EIF4E: variants seen among roughly 807,000 people sequenced by gnomAD.
The protein encoded by EIF4E is eukaryotic translation initiation factor 4E.
For missense variants in EIF4E, 113 were observed against 265.6 expected (o/e 0.43, Z 3.99); for synonymous variants, 71 against 88.5 (o/e 0.80, Z 1.11).
At chr4:98,929,047 G>C in intron 1 of EIF4E, 48 bp downstream of exon 1, 1 of 1,574,588 alleles carries the variant, frequency 6.4e-7, no homozygotes, top group Non-Finnish European at 8.6e-7. Flanking sequence ...TCAGAAGGAA[G>C]ACGGAGCGCG....
chr4:98,892,106 G>C (rs1354852703), intron 2 of EIF4E, among the ~76,000 whole-genome samples: 1 of 152,074 alleles, frequency 6.6e-6, no homozygotes, highest in East Asian at 1.9e-4. Context: ...CAGCACTCTG[G>C]GAGGCTGAGG....
intron 1 of EIF4E, among the ~76,000 whole-genome samples, chr4:98,906,403 T>C (rs1724875387): frequency 6.6e-6 from 1 of 152,212 alleles, no homozygotes; most frequent in Admixed American, 6.5e-5. Flanking sequence ...AGTAAACACT[T>C]TGAAAATCTG....
chr4:98,907,680 A>G (rs940830086), intron 1 of EIF4E, among the ~76,000 whole-genome samples: 3 of 152,184 alleles, frequency 2.0e-5, no homozygotes, highest in African/African-American at 7.2e-5. Flanking sequence ...ATCCACCTCT[A>G]ACCCCAACTT....
chr4:98,909,492 T>C, intron 1 of EIF4E: 1 of 578,168 alleles, frequency 1.7e-6, no homozygotes, highest in Non-Finnish European at 3.1e-6. Context: ...AAATGTAAAC[T>C]GGACCCCATG....
chr4:98,896,150 C>A (rs145615497), intron 2 of EIF4E, among the ~76,000 whole-genome samples: 2 of 149,944 alleles, frequency 1.3e-5, no homozygotes, highest in Non-Finnish European at 2.9e-5. Flanking sequence ...GAGCCGAGAT[C>A]GCACCACTGC....
At chr4:98,904,642 G>A (rs529504117) in intron 1 of EIF4E, among the ~76,000 whole-genome samples, 4 of 152,074 alleles carry the variant, frequency 2.6e-5, no homozygotes, top group South Asian at 2.1e-4. Flanking sequence ...GTGGTAGCAC[G>A]CGCCTGTAAT....
At chr4:98,896,536 C>T (rs924640113) in intron 2 of EIF4E, among the ~76,000 whole-genome samples, 2 of 141,000 alleles carry the variant, frequency 1.4e-5, no homozygotes, top group African/African-American at 5.5e-5. Flanking sequence ...TGGTGGTGCA[C>T]ACCTGTGGAC....
chr4:98,915,262 TTAAG>T (rs1413558730), intron 1 of EIF4E, among the ~76,000 whole-genome samples: 1 of 150,610 alleles, frequency 6.6e-6, no homozygotes, highest in African/African-American at 2.4e-5. Flanking sequence ...CGGCCGAAAA[TTAAG>T]TATTTAAAAG....
intron 3 of EIF4E, among the ~76,000 whole-genome samples, chr4:98,888,552 T>A (rs2110181408): frequency 6.6e-6 from 1 of 152,320 alleles, no homozygotes; most frequent in South Asian, 2.1e-4. Context: ...CTTGGGATTA[T>A]AATCACCTAA....
At chr4:98,900,650 T>TAC (rs1015117407) in intron 2 of EIF4E, among the ~76,000 whole-genome samples, 27 of 152,202 alleles carry the variant, frequency 1.8e-4, no homozygotes, top group African/African-American at 6.3e-4. Context: ...TCTAGATTGT[T>TAC]ACAATGTTTC....
intron 2 of EIF4E, 105 bp downstream of exon 2, chr4:98,901,771 G>T: frequency 9.6e-7 from 1 of 1,044,796 alleles, no homozygotes; most frequent in Non-Finnish European, 1.5e-6. Context: ...CTCAACCTTA[G>T]CATATCTAAA....
At chr4:98,928,917 G>C (rs781009065) in intron 1 of EIF4E, 178 bp downstream of exon 1, 1 of 1,568,110 alleles carries the variant, frequency 6.4e-7, no homozygotes, top group South Asian at 1.2e-5. Flanking sequence ...GCTACACGCC[G>C]CCTCGGCCAT....
rs70955951 is a variant in EIF4E, at chr4:98,880,835, CAA to C, written c.*191_*192del. 0.032 allele frequency: 25,321 copies of C among 787,190 alleles called. No homozygotes were observed. The highest frequency in any genetic ancestry group is 0.06 in the East Asian group (1,144 of 18,956). 48.8% of individuals were successfully genotyped at this position (787,190 alleles called of 1,614,324 possible). On this transcript the variant is annotated 3_prime_UTR_variant, in exon 7 of 7. Coordinates refer to ENST00000450253, the MANE Select transcript of EIF4E (RefSeq NM_001968.5). ...TGATTGGGATAGTGGAAACTCTAGC[CAA>C]AAAAAAAAAAAAAAATGAACACAGA...
In EIF4E at chr4:98,918,652, T is replaced by C. The variant is rs193269004; in HGVS notation, c.18+10443A>G. On this transcript the variant is annotated intron_variant, in intron 1 of 6. Coordinates refer to ENST00000450253, the MANE Select transcript of EIF4E (RefSeq NM_001968.5). ...CAGTAATGTTTGAAATAGCAAATGG[T>C]TGGAAATGACCTAAATATTAATATA... 6.1e-3 allele frequency among the ~76,000 whole-genome samples: 933 copies of C among 152,246 alleles called. 8 individuals carry two copies. Among genetic ancestry groups the C allele is most frequent in the African/African-American group, 0.021 (882 of 41,556 alleles).
chr4:98,915,558 T>G (rs1362321119), intron 1 of EIF4E, among the ~76,000 whole-genome samples: 1 of 151,530 alleles, frequency 6.6e-6, no homozygotes, highest in African/African-American at 2.4e-5. Context: ...TTTTTTTTTT[T>G]GAGACAGAGT....
chr4:98,916,419 C>T (rs1245401689), intron 1 of EIF4E, among the ~76,000 whole-genome samples: 2 of 151,654 alleles, frequency 1.3e-5, no homozygotes, highest in African/African-American at 4.8e-5. Context: ...TCCAAGAGAT[C>T]TAATATCTGA....
rs1723645936 is a variant in EIF4E at position 98,880,755 on chromosome 4, AC to A, written c.*272del. On this transcript the variant is annotated 3_prime_UTR_variant, in exon 7 of 7. Transcript: ENST00000450253. ...TTAATGGTAATTCTACTGAACTATTACAGAGTGGGCCAGGAACACATTTATG... is the reference window on the plus strand; with the variant it reads ...TTAATGGTAATTCTACTGAACTATTAAGAGTGGGCCAGGAACACATTTATG... The A allele has an allele frequency of 3.1e-6, 1 of 327,640 alleles. No homozygotes were observed. Among genetic ancestry groups the A allele is most frequent in the African/African-American group, 2.2e-5 (1 of 45,946 alleles). The allele number at this position is 327,640 out of a possible 1,614,324, so 20.3% of individuals were successfully genotyped here.
intron 1 of EIF4E, among the ~76,000 whole-genome samples, chr4:98,924,593 G>GTT (rs5860556): frequency 1.3e-4 from 19 of 146,816 alleles, no homozygotes; most frequent in Admixed American, 2.7e-4. Flanking sequence ...ATTTGTTTCT[G>GTT]TTTTTTTTTT....
intron 2 of EIF4E, among the ~76,000 whole-genome samples, chr4:98,894,134 C>T (rs1383132822): frequency 6.6e-6 from 1 of 152,204 alleles, no homozygotes; most frequent in African/African-American, 2.4e-5. Context: ...TGCTATAAAT[C>T]GATGCACTGT....
Sources: allele counts gnomAD v4.1 joint callset (sites outside exome capture counted in the v4.1 genomes callset), GRCh38; gene constraint gnomAD v4.1.1; transcripts MANE v1.5; gene names NCBI Gene and HGNC (gene_info 2026-07-23, HGNC 2026-07-21).